NPIPA9: variants seen among roughly 807,000 people sequenced by gnomAD.
NPIPA9 encodes nuclear pore complex-interacting protein family member A9.
intron 3 of NPIPA9, among the ~76,000 whole-genome samples, chr16:18,369,744 C>G (rs371134614): frequency 1.1e-4 from 11 of 99,486 alleles, no homozygotes; most frequent in African/African-American, 6.3e-4. Context: ...AAAGTGCTGG[C>G]AATACATGTG....
rs1465249723 is a variant in NPIPA9, at chr16:18,364,697, C to T, written c.193-63G>A. ...GTGGCTCATGCGTATAATCCCAGTA[C>T]TTTGGGAGGCCGAGGCAGGGTGGAT... On this transcript the variant is annotated intron_variant, in intron 4 of 9. Transcript: ENST00000427999. 8 of 30,460 alleles carry T rather than the reference C, an allele frequency of 2.6e-4. No individual in the cohort carries two copies. The South Asian group carries it at 3.1e-3, about 12-fold the overall frequency. 1.9% of individuals were successfully genotyped at this position (30,460 alleles called of 1,614,324 possible). A position where few individuals can be genotyped will look rare whatever the true frequency, so the allele number is the denominator to read the frequency against.
At chr16:18,364,904 G>A (rs1417110945) in intron 4 of NPIPA9, among the ~76,000 whole-genome samples, 29 of 129,970 alleles carry the variant, frequency 2.2e-4, no homozygotes, top group Non-Finnish European at 3.3e-4. Flanking sequence ...TCACACCACT[G>A]CACTCCAGCC....
chr16:18,370,280 ACT>A (rs1187900822), intron 3 of NPIPA9, among the ~76,000 whole-genome samples: 3 of 129,506 alleles, frequency 2.3e-5, no homozygotes, highest in East Asian at 2.7e-4. Flanking sequence ...ACAGAGCGAG[ACT>A]CTGTCTCAAA....
rs1478031585 is a variant in NPIPA9, at chr16:18,375,177, G to A, written c.-307-108C>T. ...GGACAGAGCCCGGTGCCATCTGACAGAATGTCCTAGAATGCTAGATATATG... is the reference window on the plus strand; with the variant it reads ...GGACAGAGCCCGGTGCCATCTGACAAAATGTCCTAGAATGCTAGATATATG... On this transcript the variant is annotated intron_variant, in intron 1 of 9. Coordinates refer to ENST00000427999, the Ensembl canonical transcript of NPIPA9. 8 of 531,906 alleles carry A rather than the reference G, an allele frequency of 1.5e-5. 2 individuals are homozygous for A. The highest frequency in any genetic ancestry group is 3.0e-5 in the African/African-American group (1 of 32,900). 32.9% of individuals were successfully genotyped at this position (531,906 alleles called of 1,614,324 possible).
intron 6 of NPIPA9, among the ~76,000 whole-genome samples, chr16:18,363,643 G>A (rs879919598): frequency 0.072 from 285 of 3,972 alleles, no homozygotes; most frequent in Middle Eastern, 0.33. Flanking sequence ...CAGCCTGGGC[G>A]ACAGAGCGAG....
At chr16:18,374,459 G>C in intron 2 of NPIPA9, 2 of 279,064 alleles carry the variant, frequency 7.2e-6, no homozygotes, top group Non-Finnish European at 1.3e-5. Flanking sequence ...AAAAAAAAAA[G>C]AAGAAGCCCT....
chr16:18,365,035 G>A (rs1315530642), intron 4 of NPIPA9, among the ~76,000 whole-genome samples: 8 of 120,164 alleles, frequency 6.7e-5, no homozygotes, highest in South Asian at 2.7e-4. Flanking sequence ...AGCACTTTGG[G>A]AGGCCGAGGC....
At chr16:18,375,640 CAT>C (rs1336580904) in intron 1 of NPIPA9, among the ~76,000 whole-genome samples, 4 of 129,298 alleles carry the variant, frequency 3.1e-5, no homozygotes, top group Non-Finnish European at 4.9e-5. Context: ...CGAGCAGCCA[CAT>C]GTGGCCTCTG....
At chr16:18,371,548 A>G (rs1015954368) in intron 3 of NPIPA9, among the ~76,000 whole-genome samples, 16 of 119,356 alleles carry the variant, frequency 1.3e-4, no homozygotes, top group Admixed American at 1.0e-3. Context: ...TGTTAGAGAC[A>G]AGAGTGCAGC....
At position 18,370,289 on chromosome 16, in the gene NPIPA9, C is replaced by CA. The variant is rs1247266865; in HGVS notation, c.64-1904dup. On this transcript the variant is annotated intron_variant, in intron 3 of 9. Coordinates refer to ENST00000427999, the Ensembl canonical transcript of NPIPA9. The stretch of plus-strand genomic sequence containing the variant: ...TGGGTGACAGAGCGAGACTCTGTCT[C>CA]AAAAAAAAAAAAAAAAAAAAATTAC... Among the ~76,000 whole-genome samples the CA allele has an allele frequency of 7.9e-4, 46 of 57,868 alleles. No individual in the cohort carries two copies. In the East Asian group the frequency reaches 0.018, roughly 23 times the overall value. The allele number at this position is 57,868 out of a possible 152,430, so 38.0% of individuals were successfully genotyped here. A position where few individuals can be genotyped will look rare whatever the true frequency, so the allele number is the denominator to read the frequency against.
chr16:18,370,554 TTGAAC>T (rs1900529813), intron 3 of NPIPA9, among the ~76,000 whole-genome samples: 1 of 76,950 alleles, frequency 1.3e-5, no homozygotes, highest in Non-Finnish European at 2.7e-5. Flanking sequence ...CTTCAACAGG[TTGAAC>T]TCAGCATATG....
At chr16:18,371,557 G>A (rs1403825811) in intron 3 of NPIPA9, among the ~76,000 whole-genome samples, 4 of 113,550 alleles carry the variant, frequency 3.5e-5, no homozygotes, top group Admixed American at 9.7e-5. Flanking sequence ...CAAGAGTGCA[G>A]CGGGGCCATC....
chr16:18,365,019 A>C (rs1462519948), intron 4 of NPIPA9, among the ~76,000 whole-genome samples: 2 of 129,280 alleles, frequency 1.5e-5, no homozygotes, highest in African/African-American at 6.7e-5. Context: ...TCACTCCTGT[A>C]ATCCCAGCAC....
chr16:18,364,668 C>G (rs1900482949), intron 4 of NPIPA9, 34 bp from the exon 5 acceptor site: 1 of 48,082 alleles, frequency 2.1e-5, no homozygotes, highest in Admixed American at 2.0e-4. Flanking sequence ...GACGGCTGGG[C>G]ACGGTGGCTC....
chr16:18,364,210 G>C lies in NPIPA9; in HGVS notation c.437+17C>G. On this transcript the variant is annotated intron_variant, in intron 6 of 9. Transcript: ENST00000427999. ...ACATGGTTCATACAACAGTATTTGTGTCAAGGCACATCTTACTGTTCTTTG... is the reference window on the plus strand; with the variant it reads ...ACATGGTTCATACAACAGTATTTGTCTCAAGGCACATCTTACTGTTCTTTG... The C allele has an allele frequency of 1.2e-4, 1 of 8,052 alleles. No individual in the cohort carries two copies. The highest frequency in any genetic ancestry group is 2.9e-4 in the Non-Finnish European group (1 of 3,466). 0.5% of individuals were successfully genotyped at this position (8,052 alleles called of 1,614,324 possible).
chr16:18,371,857 C>T (rs1314812055), intron 3 of NPIPA9: 2 of 42,974 alleles, frequency 4.7e-5, no homozygotes, highest in Non-Finnish European at 8.9e-5. Context: ...CCAGCGTCTA[C>T]TCACACAGGT....
chr16:18,371,451 TAAAAAAA>T (rs778066038), intron 3 of NPIPA9, among the ~76,000 whole-genome samples: 1 of 56,636 alleles, frequency 1.8e-5, no homozygotes, highest in South Asian at 5.4e-4. Context: ...GACTCTGTCT[TAAAAAAA>T]AAAAAAAAAA....
intron 3 of NPIPA9, among the ~76,000 whole-genome samples, chr16:18,369,595 G>GC (rs1900511257): frequency 1.2e-5 from 1 of 80,824 alleles, no homozygotes; most frequent in African/African-American, 7.2e-5. Flanking sequence ...TCCTGCCTCA[G>GC]CTACTGAGTA....
rs1900583068 is a variant in NPIPA9 at position 18,374,997 on chromosome 16, CG to C, written c.-236del. On this transcript the variant is annotated 5_prime_UTR_variant, in exon 2 of 10. The change creates a premature stop within an existing upstream ORF in the 5' untranslated region. Coordinates refer to ENST00000427999, the Ensembl canonical transcript of NPIPA9. ...AACGTGAGGAAGGAGCTGTCCAGCACGGATGAGTCCAGGCAGCTGTCGACGT... is the reference window on the plus strand; with the variant it reads ...AACGTGAGGAAGGAGCTGTCCAGCACGATGAGTCCAGGCAGCTGTCGACGT... The C allele has an allele frequency of 6.8e-6, 4 of 589,178 alleles. No homozygotes were observed. The highest frequency in any genetic ancestry group is 8.7e-6 in the Non-Finnish European group (3 of 346,552). 36.5% of individuals were successfully genotyped at this position (589,178 alleles called of 1,614,324 possible).
Sources: gnomAD v4.1 joint callset for allele counts (sites outside exome capture counted in the v4.1 genomes callset) on GRCh38, gnomAD v4.1.1 for gene constraint, MANE v1.5 for transcripts, NCBI Gene and HGNC (gene_info 2026-07-23, HGNC 2026-07-21) for gene names.